The following LRP1B variants were observed in gnomAD, a reference collection of about 807,000 sequenced individuals.
LRP1B encodes the protein LDL receptor related protein 1B.
LRP1B carries 217 observed loss-of-function variants against 556.6 expected under a neutral mutation model. The ratio of observed to expected loss-of-function variants is 0.39; its 90% CI spans 0.35 to 0.44. The LOEUF (loss-of-function observed/expected upper bound fraction) is 0.44, where lower values mean the gene tolerates loss of function less well. Ranked by LOEUF, LRP1B falls within the 20% of genes least tolerant of loss-of-function variation. The probability of loss-of-function intolerance (pLI) is 1.00; values close to 1 mark genes in which losing one functional copy is unlikely to be tolerated. For synonymous variants in LRP1B, 2,047 were observed against 1,865.8 expected (o/e 1.10, Z -2.50); for missense variants, 5,053 against 5,620.8 (o/e 0.90, Z 3.23).
chr2:141,187,730 A>G (rs556848027), intron 7 of LRP1B, among the ~76,000 whole-genome samples: 3 of 152,014 alleles, frequency 2.0e-5, no homozygotes, highest in Non-Finnish European at 4.4e-5. Flanking sequence ...TAAACATTTT[A>G]TGACTATATT....
chr2:140,591,510 C>T (rs1682223882), intron 43 of LRP1B, among the ~76,000 whole-genome samples: 1 of 152,150 alleles, frequency 6.6e-6, no homozygotes, highest in Non-Finnish European at 1.5e-5. Flanking sequence ...GACAATTACC[C>T]ATCTTATTGG....
At chr2:141,853,222 G>C (rs921514296) in intron 1 of LRP1B, among the ~76,000 whole-genome samples, 1 of 151,478 alleles carries the variant, frequency 6.6e-6, no homozygotes, top group Non-Finnish European at 1.5e-5. Context: ...AATGTTAAGG[G>C]AGGATCATTT....
chr2:141,746,403 A>C (rs529945934), intron 2 of LRP1B, among the ~76,000 whole-genome samples: 10 of 152,222 alleles, frequency 6.6e-5, no homozygotes, highest in African/African-American at 2.4e-4. Flanking sequence ...AGTTCAGCCC[A>C]GTTTTGCTTT....
rs77380498 is a variant in LRP1B at position 141,879,543 on chromosome 2, C to G, written c.83-69142G>C. Among the ~76,000 whole-genome samples the G allele has an allele frequency of 2.6e-3, 393 of 151,956 alleles. 1 individual carries two copies. The highest frequency in any genetic ancestry group is 4.7e-3 in the Non-Finnish European group (321 of 67,868). The stretch of plus-strand genomic sequence containing the variant: ...TAAAATTTGAGTCACTTCTGCTCTT[C>G]TATCCAGGGTTTTTTTTTGTCACAG... On this transcript the variant is annotated intron_variant, in intron 1 of 90. Coordinates refer to ENST00000389484, the MANE Select transcript of LRP1B (RefSeq NM_018557.3).
chr2:141,253,562 A>G (rs987104823), intron 4 of LRP1B, among the ~76,000 whole-genome samples: 2 of 152,122 alleles, frequency 1.3e-5, no homozygotes, highest in African/African-American at 4.8e-5. Context: ...TACTAAGAAG[A>G]TGTGTGGACT....
rs557074745 is a variant in LRP1B at position 140,843,407 on chromosome 2, A to G, written c.4940-2315T>C. 1.7e-3 allele frequency among the ~76,000 whole-genome samples: 257 copies of G among 151,998 alleles called. 1 individual carries two copies. The highest frequency in any genetic ancestry group is 3.0e-3 in the Non-Finnish European group (203 of 67,950). The stretch of plus-strand genomic sequence containing the variant: ...TACAGAGCTTTGAATCATGACCTTC[A>G]CTTGCCCCAAGGTATTCAACAGCTT... On this transcript the variant is annotated intron_variant, in intron 29 of 90. Transcript: ENST00000389484.
chr2:140,882,247 G>A (rs1196731964), intron 25 of LRP1B, among the ~76,000 whole-genome samples: 1 of 152,148 alleles, frequency 6.6e-6, no homozygotes, highest in Non-Finnish European at 1.5e-5. Context: ...TAATGAGCTA[G>A]CAACTTTGTG....
chr2:142,074,095 C>T (rs535761920), intron 1 of LRP1B, among the ~76,000 whole-genome samples: 3 of 152,138 alleles, frequency 2.0e-5, no homozygotes, highest in Non-Finnish European at 4.4e-5. Context: ...TTCCTTTACT[C>T]GCAAACTTTC....
chr2:141,433,265 A>T (rs1327569633), intron 3 of LRP1B, among the ~76,000 whole-genome samples: 1 of 151,830 alleles, frequency 6.6e-6, no homozygotes, highest in Non-Finnish European at 1.5e-5. Context: ...GTATTATTTC[A>T]TTCCTTTTAA....
At chr2:140,336,173 C>G (rs768042420) in intron 77 of LRP1B, among the ~76,000 whole-genome samples, 4 of 151,898 alleles carry the variant, frequency 2.6e-5, no homozygotes, top group African/African-American at 4.8e-5. Context: ...TCTAACACCA[C>G]AGATTAGTGG....
intron 6 of LRP1B, 48 bp from the exon 7 acceptor site, chr2:141,188,631 A>G (rs1242647874): frequency 5.3e-6 from 8 of 1,508,644 alleles, no homozygotes; most frequent in African/African-American, 1.4e-5. Flanking sequence ...GCAATCTAGC[A>G]TCATGATCCA....
chr2:140,830,202 A>G lies in LRP1B; in HGVS notation c.5209+9789T>C, dbSNP rs76838023. ...CACATTTAAATAAGAACTAATGCCA[A>G]TTCTACTCAAAGTATTTATAAAACT... is the stretch of plus-strand genomic sequence containing the variant. On this transcript the variant is annotated intron_variant, in intron 31 of 90. Transcript: ENST00000389484. Among the ~76,000 whole-genome samples, 1,052 of 152,172 alleles carry G rather than the reference A, an allele frequency of 6.9e-3. 16 individuals carry two copies. Among genetic ancestry groups the G allele is most frequent in the African/African-American group, 0.024 (997 of 41,560 alleles).
chr2:140,800,886 C>A (rs1559127027), intron 32 of LRP1B, among the ~76,000 whole-genome samples: 1 of 152,084 alleles, frequency 6.6e-6, no homozygotes, highest in Non-Finnish European at 1.5e-5. Flanking sequence ...CTCCCCATTT[C>A]AATTCAAATC....
intron 6 of LRP1B, among the ~76,000 whole-genome samples, chr2:141,209,150 G>A (rs532045320): frequency 6.6e-6 from 1 of 152,254 alleles, no homozygotes; most frequent in East Asian, 1.9e-4. Context: ...AACTGATACT[G>A]TTTGGTTCTG....
At chr2:141,788,641 C>G (rs1042685624) in intron 2 of LRP1B, among the ~76,000 whole-genome samples, 1 of 151,838 alleles carries the variant, frequency 6.6e-6, no homozygotes. Context: ...GTTAACTCAT[C>G]ATTTAACATT....
At chr2:140,930,084 C>T (rs1045366683) in intron 20 of LRP1B, among the ~76,000 whole-genome samples, 7 of 151,962 alleles carry the variant, frequency 4.6e-5, no homozygotes, top group African/African-American at 1.7e-4. Context: ...GGTATGGTTC[C>T]CCAGAGTCCC....
intron 2 of LRP1B, among the ~76,000 whole-genome samples, chr2:141,754,305 G>T (rs1694244342): frequency 6.6e-6 from 1 of 151,862 alleles, no homozygotes; most frequent in Non-Finnish European, 1.5e-5. Flanking sequence ...AGTTAACAAG[G>T]CACTATTATT....
At chr2:140,638,882 GTATA>G (rs1417987222) in intron 41 of LRP1B, among the ~76,000 whole-genome samples, 2 of 151,120 alleles carry the variant, frequency 1.3e-5, no homozygotes, top group Non-Finnish European at 2.9e-5. Flanking sequence ...TTATGTATGT[GTATA>G]TATAAATATG....
chr2:140,238,602 G>A (rs965608354), intron 88 of LRP1B, among the ~76,000 whole-genome samples: 20 of 150,770 alleles, frequency 1.3e-4, no homozygotes, highest in Non-Finnish European at 4.5e-5. Flanking sequence ...CAACAAAATA[G>A]TGATAAACTC....
Sources: allele counts gnomAD v4.1 joint callset (sites outside exome capture counted in the v4.1 genomes callset), GRCh38; gene constraint gnomAD v4.1.1; transcripts MANE v1.5; gene names NCBI Gene and HGNC (gene_info 2026-07-23, HGNC 2026-07-21).